FKTN: variants seen among roughly 807,000 people sequenced by gnomAD.
The protein encoded by FKTN is ribitol-5-phosphate transferase FKTN.
FKTN carries 47 observed loss-of-function variants against 58.6 expected under a neutral mutation model. That is an observed-to-expected ratio of 0.80 (90% confidence interval 0.63 to 1.02). The LOEUF (loss-of-function observed/expected upper bound fraction) is 1.02, where lower values mean the gene tolerates loss of function less well. FKTN is among the 50% of genes least tolerant of loss of function. FKTN has a pLI of 0.00. For missense variants in FKTN, 516 were observed against 537.3 expected, an observed-to-expected ratio of 0.96 and a Z score of 0.39; for synonymous variants, 178 against 191.9, an observed-to-expected ratio of 0.93 and a Z score of 0.60.
Position 105,637,861 on chromosome 9 carries a change from C to A in FKTN, c.*2597C>A. On this transcript the variant is annotated 3_prime_UTR_variant, in exon 11 of 11. Coordinates refer to ENST00000357998, the MANE Select transcript of FKTN (RefSeq NM_001079802.2). ...CTCTGCTGCAGCTACTGATATCTGG[C>A]CCCTGGAATAAAACCATAGTTCCTA... 1 of 985,308 alleles carries A rather than the reference C, an allele frequency of 1.0e-6. No homozygotes were observed. The highest frequency in any genetic ancestry group is 1.2e-6 in the Non-Finnish European group (1 of 829,884). The allele number at this position is 985,308 out of a possible 1,614,324, so 61.0% of individuals were successfully genotyped here.
Position 105,601,309 on chromosome 9 carries a change from T to C in FKTN, c.330T>C (p.Phe110=), listed in dbSNP as rs769567661. The change falls in exon 5 of 11, where the codon TTT becomes TTC. Residue 110 remains phenylalanine, a synonymous_variant. Transcript: ENST00000357998. ...QCKFFCVPRD[F]TAFALQYHLW... ...AGTTTTTCTGTGTTCCAAGAGACTT[T>C]ACTGCATTTGCACTGCAGTATCACC... is the stretch of plus-strand genomic sequence containing the variant. The C allele has an allele frequency of 1.2e-6, 2 of 1,611,936 alleles. No individual in the cohort carries two copies. Among genetic ancestry groups the C allele is most frequent in the Admixed American group, 1.7e-5 (1 of 60,026 alleles).
At chr9:105,602,928 G>C (rs1828160045) in intron 5 of FKTN, among the ~76,000 whole-genome samples, 1 of 152,106 alleles carries the variant, frequency 6.6e-6, no homozygotes, top group Non-Finnish European at 1.5e-5. Flanking sequence ...CAGATTGTTA[G>C]ATCTAATAAT....
intron 10 of FKTN, among the ~76,000 whole-genome samples, chr9:105,632,765 G>A (rs1032812124): frequency 6.6e-6 from 1 of 152,154 alleles, no homozygotes; most frequent in Non-Finnish European, 1.5e-5. Flanking sequence ...TGGATGGAAG[G>A]ATTTTTTTGT....
chr9:105,575,596 C>T (rs1841521154), intron 3 of FKTN, among the ~76,000 whole-genome samples: 2 of 151,930 alleles, frequency 1.3e-5, no homozygotes, highest in African/African-American at 4.8e-5. Flanking sequence ...GTAGAATATA[C>T]CAGATAAGGA....
At chr9:105,584,983 G>T (rs932733843) in intron 3 of FKTN, among the ~76,000 whole-genome samples, 2 of 152,094 alleles carry the variant, frequency 1.3e-5, no homozygotes, top group Admixed American at 1.3e-4. Context: ...ACAATGAGGT[G>T]GTTTCTTCCT....
intron 3 of FKTN, among the ~76,000 whole-genome samples, chr9:105,591,050 G>A (rs1003900468): frequency 2.6e-5 from 4 of 152,056 alleles, no homozygotes; most frequent in Non-Finnish European, 4.4e-5. Context: ...CAAGAGGATG[G>A]TGCTAAACCA....
Position 105,638,559 on chromosome 9 carries a change from C to A in FKTN, c.*3295C>A. The A allele has an allele frequency of 1.0e-6, 1 of 985,394 alleles. No homozygotes were observed. Among genetic ancestry groups the A allele is most frequent in the Non-Finnish European group, 1.2e-6 (1 of 829,932 alleles). 61.0% of individuals were successfully genotyped at this position (985,394 alleles called of 1,614,324 possible). A position where few individuals can be genotyped will look rare whatever the true frequency, so the allele number is the denominator to read the frequency against. ...CCTGCTAAATGCCTGTATTTGAAGT[C>A]TCTCCCCTTCCTGAAGTGACCTTTT... On this transcript the variant is annotated 3_prime_UTR_variant, in exon 11 of 11. Transcript: ENST00000357998.
chr9:105,560,463 C>T (rs1230341222), intron 1 of FKTN, among the ~76,000 whole-genome samples: 4 of 152,198 alleles, frequency 2.6e-5, no homozygotes, highest in Non-Finnish European at 5.9e-5. Flanking sequence ...CACTACCCAT[C>T]ATCTGTTTCT....
chr9:105,600,407 A>C (rs762945864), intron 4 of FKTN, among the ~76,000 whole-genome samples: 1 of 152,188 alleles, frequency 6.6e-6, no homozygotes, highest in Non-Finnish European at 1.5e-5. Flanking sequence ...CTTTTAAGCA[A>C]TAGTGTATGC....
At chr9:105,579,477 T>C (rs1241519532) in intron 3 of FKTN, among the ~76,000 whole-genome samples, 1 of 151,956 alleles carries the variant, frequency 6.6e-6, no homozygotes, top group African/African-American at 2.4e-5. Flanking sequence ...TGAGCGGCTT[T>C]GAGTGAGTTT....
chr9:105,631,241 T>A (rs1833399546), intron 10 of FKTN, among the ~76,000 whole-genome samples: 1 of 152,194 alleles, frequency 6.6e-6, no homozygotes, highest in African/African-American at 2.4e-5. Context: ...GCCCTTCCAT[T>A]AAAATCAGAA....
At chr9:105,614,280 A>G (rs1040252497) in intron 7 of FKTN, among the ~76,000 whole-genome samples, 3 of 152,130 alleles carry the variant, frequency 2.0e-5, no homozygotes, top group African/African-American at 7.2e-5. Context: ...TTTGCAAGAC[A>G]TTTTTCTCCT....
intron 3 of FKTN, among the ~76,000 whole-genome samples, chr9:105,588,369 T>TA (rs1204410892): frequency 6.6e-6 from 1 of 152,164 alleles, no homozygotes; most frequent in African/African-American, 2.4e-5. Flanking sequence ...TATTTTTTTT[T>TA]AACCAGTTGA....
At chr9:105,565,215 G>A (rs1392259131) in intron 1 of FKTN, among the ~76,000 whole-genome samples, 1 of 152,096 alleles carries the variant, frequency 6.6e-6, no homozygotes, top group Non-Finnish European at 1.5e-5. Context: ...TAAAGACCAT[G>A]GATGCTAGGC....
chr9:105,620,136 T>A, intron 10 of FKTN, 75 bp downstream of exon 10: 1 of 1,380,348 alleles, frequency 7.2e-7, no homozygotes, highest in East Asian at 2.3e-5. Context: ...AAGAAGTAAC[T>A]GAAAAGAAAA....
chr9:105,579,142 T>G (rs7030347), intron 3 of FKTN, among the ~76,000 whole-genome samples: 102,919 of 151,770 alleles, frequency 0.68, 35,265 homozygotes, highest in African/African-American at 0.76. Context: ...ATTTTTTGAA[T>G]GGTTTTTTGT....
chr9:105,579,863 A>G (rs1472224010), intron 3 of FKTN, among the ~76,000 whole-genome samples: 3 of 151,894 alleles, frequency 2.0e-5, no homozygotes, highest in Non-Finnish European at 4.4e-5. Flanking sequence ...TATTGGGTGC[A>G]TATATATTTA....
At chr9:105,585,484 G>GA (rs1843742955) in intron 3 of FKTN, among the ~76,000 whole-genome samples, 1 of 152,206 alleles carries the variant, frequency 6.6e-6, no homozygotes, top group Admixed American at 6.5e-5. Context: ...AGACTAATTA[G>GA]ATGCTAAAGA....
intron 7 of FKTN, among the ~76,000 whole-genome samples, chr9:105,614,884 CTTTT>C (rs35592716): frequency 3.5e-5 from 5 of 144,684 alleles, no homozygotes; most frequent in African/African-American, 1.0e-4. Context: ...TCCTTTCTTT[CTTTT>C]TTTTTTTTCT....
Sources: gnomAD v4.1 joint callset for allele counts (sites outside exome capture counted in the v4.1 genomes callset) on GRCh38, gnomAD v4.1.1 for gene constraint, MANE v1.5 for transcripts, NCBI Gene and HGNC (gene_info 2026-07-23, HGNC 2026-07-21) for gene names.